KIAA1549L: variants seen among roughly 807,000 people sequenced by gnomAD.
KIAA1549L encodes KIAA1549 like.
KIAA1549L carries 88 observed loss-of-function variants against 160.7 expected under a neutral mutation model. The ratio of observed to expected loss-of-function variants is 0.55; its 90% CI spans 0.46 to 0.65. The LOEUF (loss-of-function observed/expected upper bound fraction) is 0.65, where lower values mean the gene tolerates loss of function less well. Ranked by LOEUF, KIAA1549L falls within the 30% of genes least tolerant of loss-of-function variation. The probability of loss-of-function intolerance (pLI) is 0.00; values close to 1 mark genes in which losing one functional copy is unlikely to be tolerated. For missense variants in KIAA1549L, 2,258 were observed against 2,437.5 expected, an observed-to-expected ratio of 0.93 and a Z score of 1.55; for synonymous variants, 950 against 976.7, an observed-to-expected ratio of 0.97 and a Z score of 0.51.
intron 16 of KIAA1549L, among the ~76,000 whole-genome samples, chr11:33,622,316 C>T (rs535045678): frequency 3.9e-5 from 6 of 152,242 alleles, no homozygotes; most frequent in African/African-American, 9.6e-5. Context: ...AAATCATCGG[C>T]GGGTTGAAGG....
At chr11:33,382,963 A>G (rs1369078711) in intron 1 of KIAA1549L, among the ~76,000 whole-genome samples, 3 of 152,184 alleles carry the variant, frequency 2.0e-5, no homozygotes, top group African/African-American at 7.2e-5. Flanking sequence ...GGAAAAGAAG[A>G]AAGTGTATTA....
In KIAA1549L at chr11:33,430,009, C is replaced by CCCTTCCTTCCTTCCTT. The variant is rs762169127; in HGVS notation, c.238+53144_238+53159dup. Among the ~76,000 whole-genome samples the CCCTTCCTTCCTTCCTT allele has an allele frequency of 3.6e-3, 339 of 93,378 alleles. 8 individuals carry two copies. The highest frequency in any genetic ancestry group is 0.014 in the African/African-American group (296 of 21,662). 61.3% of individuals were successfully genotyped at this position (93,378 alleles called of 152,430 possible). A position where few individuals can be genotyped will look rare whatever the true frequency, so the allele number is the denominator to read the frequency against. ...TCATGTGGCAGCTCTGCTCTGCCCT[C>CCCTTCCTTCCTTCCTT]CCTTCCTTCCTTCCTTCCTTCCTTC... On this transcript the variant is annotated intron_variant, in intron 1 of 20. Coordinates refer to ENST00000658780, the MANE Select transcript of KIAA1549L (RefSeq NM_012194.3).
In KIAA1549L at chr11:33,544,912, T is replaced by A. The variant is rs763864352; in HGVS notation, c.2919T>A (p.Ala973=). 7.4e-6 allele frequency: 12 copies of A among 1,613,466 alleles called. No individual in the cohort carries two copies. Among genetic ancestry groups the A allele is most frequent in the Admixed American group, 6.7e-5 (4 of 59,936 alleles). ...SSPLAVASGP[A]KSSSMTTLAK... ...CTTTGGCCGTGGCCTCAGGACCAGC[T>A]AAGAGCAGTTCGATGACTACTCTTG... Residue 973 remains alanine, a synonymous_variant, in exon 3 of 21, where the codon GCT becomes GCA. Transcript: ENST00000658780.
intron 1 of KIAA1549L, among the ~76,000 whole-genome samples, chr11:33,476,572 C>A (rs1852290104): frequency 6.6e-6 from 1 of 152,220 alleles, no homozygotes; most frequent in African/African-American, 2.4e-5. Context: ...AGCCTACTGG[C>A]ACCTACCTGT....
chr11:33,431,808 G>C (rs925872815), intron 1 of KIAA1549L, among the ~76,000 whole-genome samples: 1 of 152,212 alleles, frequency 6.6e-6, no homozygotes, highest in Non-Finnish European at 1.5e-5. Context: ...GGTGCTCATC[G>C]GGGAGGCTCG....
chr11:33,646,478 A>G (rs373357710), intron 17 of KIAA1549L, among the ~76,000 whole-genome samples: 17 of 152,224 alleles, frequency 1.1e-4, no homozygotes, highest in Non-Finnish European at 2.1e-4. Context: ...GGTCTACCAG[A>G]TGAAAGTTGA....
chr11:33,581,273 G>A (rs1006818249), intron 10 of KIAA1549L, among the ~76,000 whole-genome samples: 2 of 152,182 alleles, frequency 1.3e-5, no homozygotes, highest in African/African-American at 2.4e-5. Context: ...CATAGGTGAC[G>A]GCCACAAAAA....
chr11:33,451,950 CTG>C (rs1851729235), intron 1 of KIAA1549L, among the ~76,000 whole-genome samples: 1 of 152,174 alleles, frequency 6.6e-6, no homozygotes, highest in African/African-American at 2.4e-5. Flanking sequence ...GCTGAGGAAA[CTG>C]AGGCCAAGAA....
At chr11:33,427,202 C>G (rs1044691708) in intron 1 of KIAA1549L, among the ~76,000 whole-genome samples, 2 of 152,148 alleles carry the variant, frequency 1.3e-5, no homozygotes, top group Middle Eastern at 6.8e-3. Flanking sequence ...GTGACTGCTT[C>G]ATACCTTCTC....
intron 5 of KIAA1549L, among the ~76,000 whole-genome samples, chr11:33,551,522 A>G (rs997903986): frequency 2.0e-5 from 3 of 152,072 alleles, no homozygotes; most frequent in African/African-American, 7.3e-5. Context: ...AGCTCCAGGT[A>G]CTATATTTTA....
At chr11:33,473,264 C>A (rs917064656) in intron 1 of KIAA1549L, among the ~76,000 whole-genome samples, 1 of 152,122 alleles carries the variant, frequency 6.6e-6, no homozygotes, top group Non-Finnish European at 1.5e-5. Context: ...GAGCTTCCGT[C>A]TAGTGGGAAA....
intron 8 of KIAA1549L, among the ~76,000 whole-genome samples, chr11:33,561,966 T>C (rs904263751): frequency 1.3e-5 from 2 of 152,222 alleles, no homozygotes; most frequent in African/African-American, 4.8e-5. Flanking sequence ...AAGTCCTCTT[T>C]TGTAAAAAGT....
intron 1 of KIAA1549L, among the ~76,000 whole-genome samples, chr11:33,392,495 A>G (rs1850290245): frequency 6.6e-6 from 1 of 152,176 alleles, no homozygotes; most frequent in Non-Finnish European, 1.5e-5. Flanking sequence ...ATGAAATACA[A>G]AACTCTTGAG....
chr11:33,397,807 TTAA>T (rs1262377205), intron 1 of KIAA1549L, among the ~76,000 whole-genome samples: 2 of 152,012 alleles, frequency 1.3e-5, no homozygotes, highest in African/African-American at 4.8e-5. Context: ...AGGTAATCTT[TTAA>T]TAATAATAAA....
intron 1 of KIAA1549L, among the ~76,000 whole-genome samples, chr11:33,520,684 A>AACAC (rs60029190): frequency 0.067 from 5,672 of 84,600 alleles, 454 homozygotes; most frequent in Non-Finnish European, 0.081. Flanking sequence ...CCCCACCCCC[A>AACAC]ACACACACAC....
intron 1 of KIAA1549L, among the ~76,000 whole-genome samples, chr11:33,457,327 G>A (rs1469033824): frequency 6.6e-6 from 1 of 152,186 alleles, no homozygotes; most frequent in African/African-American, 2.4e-5. Flanking sequence ...CAAGTCCTGG[G>A]GATGTGGTCA....
At chr11:33,631,006 C>G (rs550197523) in intron 16 of KIAA1549L, among the ~76,000 whole-genome samples, 1 of 152,186 alleles carries the variant, frequency 6.6e-6, no homozygotes, top group African/African-American at 2.4e-5. Context: ...GCACGTGCAA[C>G]GTACTGTGGC....
chr11:33,419,864 A>G (rs1365416946), intron 1 of KIAA1549L, among the ~76,000 whole-genome samples: 1 of 68,134 alleles, frequency 1.5e-5, no homozygotes, highest in Non-Finnish European at 3.1e-5. Context: ...TGTTATACAT[A>G]CATACATACA....
At chr11:33,381,511 G>A (rs1298543092) in intron 1 of KIAA1549L, among the ~76,000 whole-genome samples, 1 of 152,184 alleles carries the variant, frequency 6.6e-6, no homozygotes, top group Non-Finnish European at 1.5e-5. Flanking sequence ...CAAAGGGAGA[G>A]TAGTGAGAAA....
Sources: allele counts gnomAD v4.1 joint callset (sites outside exome capture counted in the v4.1 genomes callset), GRCh38; gene constraint gnomAD v4.1.1; transcripts MANE v1.5; gene names NCBI Gene and HGNC (gene_info 2026-07-23, HGNC 2026-07-21).